PTPRG: variants seen among roughly 807,000 people sequenced by gnomAD.
The protein encoded by PTPRG is protein tyrosine phosphatase receptor type G.
PTPRG carries 102 observed loss-of-function variants against 165.3 expected under a neutral mutation model. The observed-to-expected ratio is 0.62, with a 90% CI of 0.53 to 0.73. The LOEUF is 0.73. Among genes scored for constraint, PTPRG ranks in the 30% least tolerant of loss-of-function variants. PTPRG has a pLI of 0.00. For missense variants in PTPRG, 1,866 were observed against 1,861.4 expected (o/e 1.00, Z -0.05); for synonymous variants, 675 against 669.5 (o/e 1.01, Z -0.13).
At chr3:61,701,966 T>C (rs1173485121) in intron 1 of PTPRG, among the ~76,000 whole-genome samples, 1 of 145,366 alleles carries the variant, frequency 6.9e-6, no homozygotes, top group Admixed American at 6.7e-5. Context: ...AGGAAAAAAG[T>C]AGCCTGTGTG....
At chr3:61,669,910 A>AG (rs1235526093) in intron 1 of PTPRG, among the ~76,000 whole-genome samples, 3 of 152,174 alleles carry the variant, frequency 2.0e-5, no homozygotes, top group African/African-American at 7.2e-5. Context: ...TTAGTCATGT[A>AG]GGGCTGCTCT....
intron 1 of PTPRG, among the ~76,000 whole-genome samples, chr3:61,745,214 C>A (rs1169662880): frequency 1.3e-5 from 2 of 151,904 alleles, no homozygotes; most frequent in East Asian, 3.9e-4. Flanking sequence ...ATGCCCAGCT[C>A]ATTTTTGTAT....
intron 1 of PTPRG, among the ~76,000 whole-genome samples, chr3:61,747,484 A>G (rs1038811635): frequency 3.3e-5 from 5 of 152,208 alleles, no homozygotes; most frequent in Non-Finnish European, 7.3e-5. Context: ...AAATGACATC[A>G]GGTTTACTTT....
chr3:61,586,495 GA>G (rs1700438326), intron 1 of PTPRG, among the ~76,000 whole-genome samples: 1 of 150,454 alleles, frequency 6.6e-6, no homozygotes. Context: ...TCACTGATAG[GA>G]AACTAAAGCT....
intron 15 of PTPRG, among the ~76,000 whole-genome samples, chr3:62,250,116 CTA>C (rs1384805168): frequency 2.6e-5 from 4 of 152,038 alleles, no homozygotes; most frequent in Non-Finnish European, 5.9e-5. Flanking sequence ...TCATAACACT[CTA>C]TGAATTATGA....
At position 61,727,106 on chromosome 3, in the gene PTPRG, A is replaced by G. The variant is rs999778912; in HGVS notation, c.86-21772A>G. Among the ~76,000 whole-genome samples the G allele has an allele frequency of 2.6e-5, 4 of 151,658 alleles. No individual in the cohort carries two copies. In the East Asian group the frequency reaches 7.7e-4, roughly 29 times the overall value. On this transcript the variant is annotated intron_variant, in intron 1 of 29. Transcript: ENST00000474889. Reference sequence around the variant, plus strand: ...AATTTTGATTTTGATTTTCTGTGGCATTTTTCTGAGTGCTGTAGTTTTGAA... The same window carrying G: ...AATTTTGATTTTGATTTTCTGTGGCGTTTTTCTGAGTGCTGTAGTTTTGAA...
At chr3:62,058,259 A>T (rs1365432506) in intron 4 of PTPRG, among the ~76,000 whole-genome samples, 1 of 152,160 alleles carries the variant, frequency 6.6e-6, no homozygotes, top group Non-Finnish European at 1.5e-5. Context: ...TAATAATCTT[A>T]TAAGGGAGCA....
intron 3 of PTPRG, among the ~76,000 whole-genome samples, chr3:62,001,550 G>C (rs950137749): frequency 6.6e-6 from 1 of 151,606 alleles, no homozygotes; most frequent in Non-Finnish European, 1.5e-5. Flanking sequence ...CAGAACTAAA[G>C]GTATGTGGTT....
chr3:62,256,164 C>T (rs1185635302), intron 16 of PTPRG, among the ~76,000 whole-genome samples: 1 of 152,056 alleles, frequency 6.6e-6, no homozygotes, highest in East Asian at 1.9e-4. Flanking sequence ...CCATCTCTTT[C>T]AACAAAATTG....
chr3:62,018,867 T>G (rs2041615151), intron 4 of PTPRG, among the ~76,000 whole-genome samples: 1 of 152,116 alleles, frequency 6.6e-6, no homozygotes, highest in Admixed American at 6.5e-5. Context: ...GCACGCTGGA[T>G]TTATGACAGA....
chr3:61,975,765 TTTAG>T (rs1237656735), intron 2 of PTPRG, among the ~76,000 whole-genome samples: 3 of 152,312 alleles, frequency 2.0e-5, no homozygotes, highest in African/African-American at 7.2e-5. Flanking sequence ...CAATGATCTG[TTTAG>T]CCCCTAAAAT....
intron 2 of PTPRG, among the ~76,000 whole-genome samples, chr3:61,887,169 TA>T (rs2038073706): frequency 2.5e-5 from 3 of 117,968 alleles, no homozygotes; most frequent in Admixed American, 8.8e-5. Context: ...TATATATATA[TA>T]TTTTTAATGC....
At chr3:61,905,256 T>A (rs906013403) in intron 2 of PTPRG, among the ~76,000 whole-genome samples, 2 of 152,182 alleles carry the variant, frequency 1.3e-5, no homozygotes, top group Non-Finnish European at 2.9e-5. Flanking sequence ...GTTAGGGACA[T>A]AGGGAGCTTG....
intron 4 of PTPRG, among the ~76,000 whole-genome samples, chr3:62,065,481 G>T (rs780416224): frequency 2.0e-4 from 30 of 152,190 alleles, no homozygotes; most frequent in Non-Finnish European, 4.0e-4. Context: ...CTTTCAGGGG[G>T]CTTGCAGCCC....
chr3:61,701,892 AAG>A (rs1031293859), intron 1 of PTPRG, among the ~76,000 whole-genome samples: 6 of 152,162 alleles, frequency 3.9e-5, no homozygotes, highest in Non-Finnish European at 7.4e-5. Flanking sequence ...CTGTCTAAAA[AAG>A]AGAGAGAGAG....
chr3:61,932,798 A>C (rs891613329), intron 2 of PTPRG, among the ~76,000 whole-genome samples: 3 of 152,090 alleles, frequency 2.0e-5, no homozygotes, highest in African/African-American at 4.8e-5. Flanking sequence ...AGTTGCTTTG[A>C]TCTTGATTGG....
intron 6 of PTPRG, among the ~76,000 whole-genome samples, chr3:62,142,063 C>T (rs1476952833): frequency 6.7e-6 from 1 of 150,186 alleles, no homozygotes; most frequent in East Asian, 1.9e-4. Flanking sequence ...ATGGCCCACT[C>T]AACAATATGA....
intron 1 of PTPRG, among the ~76,000 whole-genome samples, chr3:61,577,163 G>C (rs1398459897): frequency 6.6e-6 from 1 of 152,152 alleles, no homozygotes; most frequent in Admixed American, 6.5e-5. Flanking sequence ...GTGGTCCTCT[G>C]ATCAGTGTTA....
At chr3:62,215,592 G>A (rs960134839) in intron 12 of PTPRG, among the ~76,000 whole-genome samples, 3 of 134,452 alleles carry the variant, frequency 2.2e-5, no homozygotes, top group Non-Finnish European at 4.6e-5. Flanking sequence ...AAATGTTAGA[G>A]GGAGAAATGA....
Sources: allele counts gnomAD v4.1 joint callset (sites outside exome capture counted in the v4.1 genomes callset), GRCh38; gene constraint gnomAD v4.1.1; transcripts MANE v1.5; gene names NCBI Gene and HGNC (gene_info 2026-07-23, HGNC 2026-07-21).